The following CDK15 variants were observed in gnomAD, a reference collection of about 807,000 sequenced individuals.
The protein encoded by CDK15 is cyclin-dependent kinase 15.
Under a neutral mutation model 60.3 loss-of-function variants are expected in CDK15, and 62 were observed. That is an observed-to-expected ratio of 1.03 (90% CI 0.84 to 1.27). CDK15 has a LOEUF of 1.27. Ranked by LOEUF, CDK15 falls within the 50% of genes most tolerant of loss-of-function variation. CDK15 has a pLI of 0.00. For synonymous variants in CDK15, 194 were observed against 195.7 expected (o/e 0.99, Z 0.07); for missense variants, 541 against 527.8 (o/e 1.03, Z -0.25).
chr2:201,874,105 G>A (rs1247336712), intron 11 of CDK15, among the ~76,000 whole-genome samples: 3 of 150,894 alleles, frequency 2.0e-5, no homozygotes, highest in Non-Finnish European at 4.4e-5. Context: ...AATGTTTAGG[G>A]GTGTTTAGAG....
chr2:201,890,164 C>T (rs1002885019), intron 12 of CDK15, among the ~76,000 whole-genome samples: 1 of 152,082 alleles, frequency 6.6e-6, no homozygotes, highest in Non-Finnish European at 1.5e-5. Flanking sequence ...TCGAACATCA[C>T]CCTCTAACTA....
chr2:201,841,250 T>C (rs967231972), intron 8 of CDK15, among the ~76,000 whole-genome samples: 7 of 152,238 alleles, frequency 4.6e-5, no homozygotes, highest in Non-Finnish European at 8.8e-5. Context: ...ATGTATGTTA[T>C]TCTATGAATA....
chr2:201,815,850 A>G (rs1158170417), intron 4 of CDK15, among the ~76,000 whole-genome samples: 1 of 152,120 alleles, frequency 6.6e-6, no homozygotes, highest in East Asian at 1.9e-4. Context: ...AAACCTTTAT[A>G]CCAACCCTAG....
At chr2:201,824,826 C>T (rs1696394686) in intron 6 of CDK15, 4 of 623,096 alleles carry the variant, frequency 6.4e-6, no homozygotes, top group Non-Finnish European at 9.0e-6. Flanking sequence ...GACAGTGTTA[C>T]AGCAATTGAT....
chr2:201,888,333 C>T (rs1170118805), intron 12 of CDK15: 23 of 1,375,886 alleles, frequency 1.7e-5, no homozygotes, highest in Admixed American at 6.1e-5. Flanking sequence ...TATCTCGTTC[C>T]GAAATGATCT....
At chr2:201,847,053 A>G (rs1463302492) in intron 8 of CDK15, among the ~76,000 whole-genome samples, 1 of 152,222 alleles carries the variant, frequency 6.6e-6, no homozygotes, top group African/African-American at 2.4e-5. Flanking sequence ...CTTAGACTCA[A>G]TGAAAAGTGG....
chr2:201,870,733 A>G (rs79378753), intron 10 of CDK15, among the ~76,000 whole-genome samples: 3,671 of 152,282 alleles, frequency 0.024, 146 homozygotes, highest in African/African-American at 0.083. Context: ...TAAACAAACT[A>G]ACAAACAAAA....
chr2:201,857,415 A>C (rs1027123104), intron 10 of CDK15, among the ~76,000 whole-genome samples: 2 of 151,902 alleles, frequency 1.3e-5, no homozygotes, highest in Non-Finnish European at 2.9e-5. Flanking sequence ...ATTTAATCCA[A>C]ATAAGTCAAA....
At chr2:201,880,263 A>G (rs1480692318) in intron 12 of CDK15, 96 bp downstream of exon 12, 7 of 1,412,096 alleles carry the variant, frequency 5.0e-6, no homozygotes, top group Non-Finnish European at 6.7e-6. Flanking sequence ...TCAGCACCGG[A>G]GAATCATAGC....
rs1696972882 is a variant in CDK15, at chr2:201,835,650, C to T, written c.738C>T (p.Ala246=). Residue 246 remains alanine (A), a synonymous_variant, in exon 8 of 14, where the codon GCC becomes GCT. Transcript: ENST00000652192. The part of the protein sequence containing the change: ...GELKLADFGL[A]RAKSIPSQTY... ...CTTTTCCCTTTTGGACAGGTCTTGCCCGGGCCAAGTCCATTCCCAGCCAGA... is the reference window on the plus strand; with the variant it reads ...CTTTTCCCTTTTGGACAGGTCTTGCTCGGGCCAAGTCCATTCCCAGCCAGA... 6.2e-7 allele frequency: 1 copy of T among 1,604,988 alleles called. No homozygotes were observed. Among genetic ancestry groups the T allele is most frequent in the East Asian group, 2.2e-5 (1 of 44,786 alleles).
At chr2:201,859,053 C>T (rs1574911837) in intron 10 of CDK15, among the ~76,000 whole-genome samples, 4 of 152,250 alleles carry the variant, frequency 2.6e-5, no homozygotes, top group Admixed American at 2.6e-4. Context: ...TTAGCCAAGA[C>T]ACATTAATCA....
At chr2:201,843,193 C>T (rs1559130569) in intron 8 of CDK15, among the ~76,000 whole-genome samples, 1 of 151,196 alleles carries the variant, frequency 6.6e-6, no homozygotes, top group Non-Finnish European at 1.5e-5. Flanking sequence ...TTGCATAGTT[C>T]TTTTTTTTTA....
At chr2:201,848,338 A>G (rs532348848) in intron 9 of CDK15, among the ~76,000 whole-genome samples, 1 of 152,268 alleles carries the variant, frequency 6.6e-6, no homozygotes, top group Non-Finnish European at 1.5e-5. Flanking sequence ...CAGTCATACT[A>G]TAGTCATCTG....
chr2:201,826,833 T>C (rs765311699), intron 6 of CDK15, among the ~76,000 whole-genome samples: 4 of 152,366 alleles, frequency 2.6e-5, no homozygotes, highest in African/African-American at 7.2e-5. Flanking sequence ...TATTTTTATG[T>C]ATGGATGTGA....
At chr2:201,825,503 GAA>G (rs11344911) in intron 6 of CDK15, among the ~76,000 whole-genome samples, 11 of 150,566 alleles carry the variant, frequency 7.3e-5, no homozygotes, top group South Asian at 2.1e-4. Context: ...TAAAGAGAGT[GAA>G]AAAAAAAAAT....
At position 201,895,343 on chromosome 2, in the gene CDK15, A is replaced by T. The variant is rs1699747767; in HGVS notation, c.*2076A>T. 6.6e-6 allele frequency: 1 copy of T among 152,262 alleles called. No individual in the cohort carries two copies. The highest frequency in any genetic ancestry group is 2.4e-5 in the African/African-American group (1 of 41,474). 9.4% of individuals were successfully genotyped at this position (152,262 alleles called of 1,614,324 possible). ...TGTTATTAAAAAATTGATTTTATTA[A>T]GTGGAAGTTGACAGAATTATCCTCT... On this transcript the variant is annotated 3_prime_UTR_variant, in exon 14 of 14. Transcript: ENST00000652192.
intron 10 of CDK15, among the ~76,000 whole-genome samples, chr2:201,865,186 A>G (rs1303104700): frequency 6.6e-6 from 1 of 152,168 alleles, no homozygotes; most frequent in Non-Finnish European, 1.5e-5. Context: ...GCCCTTCAAT[A>G]TTTGTGGAGA....
chr2:201,849,088 C>T (rs755201745), intron 9 of CDK15, among the ~76,000 whole-genome samples: 38 of 152,324 alleles, frequency 2.5e-4, no homozygotes, highest in Admixed American at 5.2e-4. Context: ...GAATTCTAAC[C>T]ATTTTCTAGC....
At chr2:201,829,195 T>G (rs1278429584) in intron 6 of CDK15, among the ~76,000 whole-genome samples, 2 of 152,208 alleles carry the variant, frequency 1.3e-5, no homozygotes, top group Non-Finnish European at 2.9e-5. Flanking sequence ...ACTTTTTTTT[T>G]GAAATGTTAT....
Sources: allele counts gnomAD v4.1 joint callset (sites outside exome capture counted in the v4.1 genomes callset), GRCh38; gene constraint gnomAD v4.1.1; transcripts MANE v1.5; gene names NCBI Gene and HGNC (gene_info 2026-07-23, HGNC 2026-07-21).